ZNF280C: variants seen among roughly 807,000 people sequenced by gnomAD.
ZNF280C encodes zinc finger protein 280C.
A neutral mutation model predicts 53.6 loss-of-function variants in ZNF280C; 14 were observed. That is an observed-to-expected ratio of 0.26 (90% confidence interval 0.17 to 0.41). ZNF280C has a LOEUF of 0.41. Ranked by LOEUF, ZNF280C falls within the 10% of genes least tolerant of loss-of-function variation. ZNF280C has a pLI of 1.00. For synonymous variants in ZNF280C, 203 were observed against 181.1 expected, an observed-to-expected ratio of 1.12 and a Z score of -0.97; for missense variants, 416 against 547.1, an observed-to-expected ratio of 0.76 and a Z score of 2.39.
At chrX:130,243,754 T>C (rs2032419294) in intron 4 of ZNF280C, 46 bp downstream of exon 4, 1 of 1,166,025 alleles carries the variant, frequency 8.6e-7, no homozygotes. Context: ...ACCAATTATA[T>C]CAAAATATTT....
At chrX:130,217,918 C>A (rs927769196) in intron 13 of ZNF280C, among the ~76,000 whole-genome samples, 1 of 111,858 alleles carries the variant, frequency 8.9e-6, no homozygotes, top group Non-Finnish European at 1.9e-5. Flanking sequence ...TGCCTGTAAC[C>A]CCAGCACTTT....
chrX:130,222,076 G>A (rs2032170380), intron 12 of ZNF280C, among the ~76,000 whole-genome samples: 1 of 110,431 alleles, frequency 9.1e-6, no homozygotes, highest in Non-Finnish European at 1.9e-5. Flanking sequence ...CCTACCTATT[G>A]TTCCCTCTAC....
chrX:130,222,331 C>CACACACACACT (rs60553619), intron 12 of ZNF280C, among the ~76,000 whole-genome samples: 1 of 103,908 alleles, frequency 9.6e-6, no homozygotes, highest in Non-Finnish European at 2.0e-5. Flanking sequence ...CACACACACA[C>CACACACACACT]CCTTCTCTAC....
chrX:130,236,550 C>A lies in ZNF280C; in HGVS notation c.583G>T (p.Val195Phe). Residue 195 changes from valine to phenylalanine, a missense_variant, in exon 7 of 19, where the codon GTT becomes TTT. Around this residue, in one of 3 missense-constraint regions of ZNF280C, gnomAD observed 193 missense variants for 201.4 expected, o/e 0.96. Coordinates refer to ENST00000370978, the MANE Select transcript of ZNF280C (RefSeq NM_017666.5). Reference sequence around the variant, plus strand: ...GAAGTGGAGGGATTTATCTGAGGAACATCTTCACTGGTCTTTGGTTTTTTT... The same window carrying A: ...GAAGTGGAGGGATTTATCTGAGGAAAATCTTCACTGGTCTTTGGTTTTTTT... The part of the protein sequence containing the change: ...TPKKPKTSED[V>F]PQINPSTSLP... The A allele has an allele frequency of 8.3e-7, 1 of 1,206,564 alleles. No homozygotes were observed. The highest frequency in any genetic ancestry group is 1.8e-5 in the South Asian group (1 of 56,516).
chrX:130,215,374 A>G, intron 14 of ZNF280C, 41 bp from the exon 15 acceptor site: 1 of 1,084,399 alleles, frequency 9.2e-7, no homozygotes, highest in Non-Finnish European at 1.2e-6. Context: ...AGATTATAAA[A>G]CAAAAATAAC....
chrX:130,244,957 T>C (rs1433787724), intron 3 of ZNF280C, among the ~76,000 whole-genome samples: 1 of 111,119 alleles, frequency 9.0e-6, no homozygotes, highest in African/African-American at 3.3e-5. Flanking sequence ...GATAATGTTT[T>C]CATTCAGAAA....
chrX:130,250,031 G>T (rs953280644), intron 2 of ZNF280C, among the ~76,000 whole-genome samples: 11 of 111,714 alleles, frequency 9.8e-5, no homozygotes, highest in Non-Finnish European at 1.7e-4. Context: ...TATTAATAGC[G>T]GAATAGAACA....
chrX:130,264,444 G>A (rs1370309462), intron 1 of ZNF280C, among the ~76,000 whole-genome samples: 1 of 111,347 alleles, frequency 9.0e-6, no homozygotes, highest in South Asian at 3.7e-4. Flanking sequence ...GTGCAAGAGA[G>A]CTCTATAACA....
Position 130,202,839 on chromosome X carries a change from A to T in ZNF280C, c.*2138T>A, listed in dbSNP as rs1418205854. On this transcript the variant is annotated 3_prime_UTR_variant, in exon 19 of 19. Transcript: ENST00000370978. ...AACCAAAATAAACAAACAAGAAATTAAAAAAAATATACATCTATATATATA... is the reference window on the plus strand; with the variant it reads ...AACCAAAATAAACAAACAAGAAATTTAAAAAAATATACATCTATATATATA... The T allele has an allele frequency of 4.5e-5, 5 of 111,620 alleles. No homozygotes were observed. The highest frequency in any genetic ancestry group is 1.6e-4 in the African/African-American group (5 of 30,783). 9.2% of individuals were successfully genotyped at this position (111,620 alleles called of 1,213,427 possible). A position where few individuals can be genotyped will look rare whatever the true frequency, so the allele number is the denominator to read the frequency against.
intron 15 of ZNF280C, 24 bp from the exon 16 acceptor site, chrX:130,209,739 GATTTT>G (rs2032021081): frequency 8.7e-7 from 1 of 1,151,421 alleles, no homozygotes; most frequent in African/African-American, 1.8e-5. Context: ...AGACAAACAA[GATTTT>G]ATTAATTTTA....
At chrX:130,210,468 C>G (rs1324308372) in intron 15 of ZNF280C, among the ~76,000 whole-genome samples, 1 of 112,182 alleles carries the variant, frequency 8.9e-6, no homozygotes, top group Admixed American at 9.4e-5. Flanking sequence ...TTCAGACAGT[C>G]TTGCTCTGTC....
chrX:130,208,486 A>C (rs1380359501), intron 16 of ZNF280C, among the ~76,000 whole-genome samples: 2 of 111,495 alleles, frequency 1.8e-5, no homozygotes, highest in Non-Finnish European at 3.8e-5. Context: ...CAAGTTGAAA[A>C]AAAAGCACCT....
intron 2 of ZNF280C, among the ~76,000 whole-genome samples, chrX:130,260,045 G>A (rs1490513789): frequency 9.0e-6 from 1 of 111,432 alleles, no homozygotes; most frequent in East Asian, 2.8e-4. Flanking sequence ...CACTTTGGGA[G>A]GCTGAGGCGG....
Position 130,239,662 on chromosome X carries a change from T to A in ZNF280C, c.413A>T (p.Asp138Val). 1 of 1,195,873 alleles carries A rather than the reference T, an allele frequency of 8.4e-7. No homozygotes were observed. Among genetic ancestry groups the A allele is most frequent in the South Asian group, 1.8e-5 (1 of 55,853 alleles). ...GTCAAACAGTAAAATTGAAGAATTA[T>A]CCGATCCAACTTGTGAATTCTTTGT... ...DFTKNSQVGS[D>V]NSSILLFDST... Residue 138 changes from aspartate (D) to valine (V), a missense_variant, in exon 6 of 19, where the codon GAT becomes GTT. Transcript: ENST00000370978.
At chrX:130,232,582 C>T (rs1484480253) in intron 8 of ZNF280C, among the ~76,000 whole-genome samples, 1 of 111,396 alleles carries the variant, frequency 9.0e-6, no homozygotes, top group Non-Finnish European at 1.9e-5. Flanking sequence ...CACATATGTG[C>T]AAAGGTGCTC....
At chrX:130,256,934 C>T (rs1455540305) in intron 2 of ZNF280C, among the ~76,000 whole-genome samples, 2 of 108,263 alleles carry the variant, frequency 1.8e-5, no homozygotes, top group Non-Finnish European at 3.8e-5. Context: ...GGCGCGGTGG[C>T]TCACACCTGT....
At chrX:130,251,306 A>AAAAAAAAAAAAAAAAAAAAC (rs1569439584) in intron 2 of ZNF280C, among the ~76,000 whole-genome samples, 1 of 103,609 alleles carries the variant, frequency 9.7e-6, no homozygotes, top group African/African-American at 3.5e-5. Flanking sequence ...AAAAAAAAAA[A>AAAAAAAAAAAAAAAAAAAAC]AGACCAGCAA....
At chrX:130,217,319 T>C (rs1250198809) in intron 13 of ZNF280C, among the ~76,000 whole-genome samples, 1 of 111,863 alleles carries the variant, frequency 8.9e-6, no homozygotes, top group African/African-American at 3.3e-5. Context: ...TACAAAACAT[T>C]ATGCTAAGCG....
intron 8 of ZNF280C, among the ~76,000 whole-genome samples, chrX:130,232,558 TTA>T (rs1333105104): frequency 9.0e-6 from 1 of 111,334 alleles, no homozygotes; most frequent in Non-Finnish European, 1.9e-5. Context: ...AAAAGACGAC[TTA>T]TGAGTAGCCA....
Sources: gnomAD v4.1 joint callset for allele counts (sites outside exome capture counted in the v4.1 genomes callset) on GRCh38, gnomAD v4.1.1 for gene constraint, gnomAD v4.1.1 regional missense constraint, MANE v1.5 for transcripts, NCBI Gene and HGNC (gene_info 2026-07-23, HGNC 2026-07-21) for gene names.